POFUT3: variants seen among roughly 807,000 people sequenced by gnomAD.
POFUT3 encodes the protein protein O-fucosyltransferase 3.
the POFUT3 span, among the ~76,000 whole-genome samples, chr8:33,375,190 C>A: frequency 1.3e-5 from 2 of 152,062 alleles, no homozygotes; most frequent in Non-Finnish European, 2.9e-5. Flanking sequence ...CCGTGCTCAG[C>A]TGAAATGAAG....
the POFUT3 span, among the ~76,000 whole-genome samples, chr8:33,421,356 TTAAC>T: frequency 6.6e-6 from 1 of 152,164 alleles, no homozygotes; most frequent in Non-Finnish European, 1.5e-5. Context: ...AACTAGAAAT[TTAAC>T]TAAATCTTCA....
At chr8:33,381,538 G>T in the POFUT3 span, among the ~76,000 whole-genome samples, 1 of 152,198 alleles carries the variant, frequency 6.6e-6, no homozygotes, top group Admixed American at 6.5e-5. Flanking sequence ...ATGTAAGGTA[G>T]TTCATGCTCT....
the POFUT3 span, among the ~76,000 whole-genome samples, chr8:33,468,354 G>A: frequency 6.6e-6 from 1 of 152,172 alleles, no homozygotes; most frequent in Non-Finnish European, 1.5e-5. Flanking sequence ...GGGAGCTCTG[G>A]GAAGACTCCT....
the POFUT3 span, among the ~76,000 whole-genome samples, chr8:33,351,959 G>A: frequency 5.3e-5 from 8 of 152,158 alleles, no homozygotes; most frequent in African/African-American, 1.9e-4. Context: ...TGAAGGAGCT[G>A]GGGTTCACAT....
At chr8:33,382,143 A>C in the POFUT3 span, among the ~76,000 whole-genome samples, 1 of 152,052 alleles carries the variant, frequency 6.6e-6, no homozygotes, top group Non-Finnish European at 1.5e-5. Context: ...AATTACAAAA[A>C]TTTGCCAGGC....
chr8:33,375,162 G>A, the POFUT3 span, among the ~76,000 whole-genome samples: 1 of 151,992 alleles, frequency 6.6e-6, no homozygotes, highest in Non-Finnish European at 1.5e-5. Context: ...AAAGTGCTGG[G>A]AGTACAGGCA....
the POFUT3 span, among the ~76,000 whole-genome samples, chr8:33,463,453 C>T: frequency 3.3e-5 from 5 of 151,584 alleles, no homozygotes; most frequent in Middle Eastern, 3.4e-3. Context: ...TGCAGTGAGC[C>T]GAGATTGTGC....
At chr8:33,418,459 C>T in the POFUT3 span, among the ~76,000 whole-genome samples, 110 of 149,256 alleles carry the variant, frequency 7.4e-4, no homozygotes, top group African/African-American at 2.0e-3. Flanking sequence ...CGCACCACCA[C>T]GCCCAGCTAA....
chr8:33,441,714 A>G, the POFUT3 span, among the ~76,000 whole-genome samples: 1 of 152,066 alleles, frequency 6.6e-6, no homozygotes, highest in East Asian at 1.9e-4. Context: ...GAAAAACACA[A>G]TTAAAGCTAC....
the POFUT3 span, among the ~76,000 whole-genome samples, chr8:33,471,025 T>C: frequency 6.6e-6 from 1 of 152,182 alleles, no homozygotes; most frequent in Admixed American, 6.5e-5. Context: ...GGTAATTCTG[T>C]ATAATCTTTT....
At chr8:33,387,404 A>T in the POFUT3 span, among the ~76,000 whole-genome samples, 30 of 152,222 alleles carry the variant, frequency 2.0e-4, 1 homozygote, top group Non-Finnish European at 2.4e-4. Context: ...TACATACAAT[A>T]CCTAAAGATA....
the POFUT3 span, among the ~76,000 whole-genome samples, chr8:33,435,379 G>A: frequency 1.3e-5 from 2 of 151,864 alleles, no homozygotes; most frequent in African/African-American, 4.8e-5. Context: ...CACCGCACCT[G>A]GCTAATTTTT....
chr8:33,377,973 C>T, the POFUT3 span, among the ~76,000 whole-genome samples: 5 of 152,168 alleles, frequency 3.3e-5, no homozygotes, highest in African/African-American at 1.2e-4. Flanking sequence ...ACCATACAAA[C>T]AGGTAACAAG....
the POFUT3 span, among the ~76,000 whole-genome samples, chr8:33,342,481 A>G: frequency 6.6e-6 from 1 of 151,552 alleles, no homozygotes; most frequent in Non-Finnish European, 1.5e-5. Context: ...AAAAAAAAAA[A>G]TCCAATTAGA....
chr8:33,461,042 C>T, the POFUT3 span, among the ~76,000 whole-genome samples: 1 of 151,976 alleles, frequency 6.6e-6, no homozygotes, highest in East Asian at 1.9e-4. Flanking sequence ...GTAATCCCAA[C>T]TACTCGGGAG....
the POFUT3 span, among the ~76,000 whole-genome samples, chr8:33,443,546 G>A: frequency 7.2e-5 from 11 of 152,260 alleles, no homozygotes; most frequent in African/African-American, 2.6e-4. Context: ...AGGCTGGAGT[G>A]TAGTGGCACG....
chr8:33,369,952 G>A, the POFUT3 span, among the ~76,000 whole-genome samples: 5,784 of 151,864 alleles, frequency 0.038, 224 homozygotes, highest in East Asian at 0.1. Flanking sequence ...ATTTTTAGGC[G>A]AAGACTATTA....
chr8:33,384,061 C>T, the POFUT3 span, among the ~76,000 whole-genome samples: 1 of 152,062 alleles, frequency 6.6e-6, no homozygotes, highest in Non-Finnish European at 1.5e-5. Context: ...ACAGGATCAA[C>T]ATGGCTCCAA....
chr8:33,419,509 C>A, the POFUT3 span, among the ~76,000 whole-genome samples: 1 of 152,178 alleles, frequency 6.6e-6, no homozygotes, highest in African/African-American at 2.4e-5. Flanking sequence ...GGAGGCAGAG[C>A]TCAGGTGGTA....
Sources: allele counts gnomAD v4.1 joint callset (sites outside exome capture counted in the v4.1 genomes callset), GRCh38; gene constraint gnomAD v4.1.1; transcripts MANE v1.5; gene names NCBI Gene and HGNC (gene_info 2026-07-23, HGNC 2026-07-21).